The following CAST variants were observed in gnomAD, a reference collection of about 807,000 sequenced individuals.
The protein encoded by CAST is MIR583 host.
A neutral mutation model predicts 119.6 loss-of-function variants in CAST; 76 were observed. The ratio of observed to expected loss-of-function variants is 0.64; its 90% confidence interval spans 0.53 to 0.77. CAST has a LOEUF of 0.77. Among genes scored for constraint, CAST ranks in the 30% least tolerant of loss-of-function variants. The probability of loss-of-function intolerance (pLI) is 0.00; values close to 1 mark genes in which losing one functional copy is unlikely to be tolerated. For missense variants in CAST, 953 were observed against 946.5 expected (o/e 1.01, Z -0.09); for synonymous variants, 319 against 331.6 (o/e 0.96, Z 0.41).
At chr5:96,214,620 G>GA in the CAST span, among the ~76,000 whole-genome samples, 44 of 152,302 alleles carry the variant, frequency 2.9e-4, no homozygotes, top group Non-Finnish European at 3.4e-4. Flanking sequence ...GAATAAGATA[G>GA]ACAAGGTCTC....
At chr5:96,353,137 C>T in the CAST span, among the ~76,000 whole-genome samples, 11 of 151,858 alleles carry the variant, frequency 7.2e-5, no homozygotes, top group African/African-American at 1.7e-4. Flanking sequence ...AAACAATACT[C>T]GAAGACTTAT....
chr5:96,502,859 T>C, the CAST span, among the ~76,000 whole-genome samples: 1 of 152,220 alleles, frequency 6.6e-6, no homozygotes, highest in Admixed American at 6.5e-5. Context: ...CACTCTATAA[T>C]ACAGATGCCC....
intron 1 of CAST, 123 bp from the exon 2 acceptor site, chr5:96,675,416 C>A: frequency 1.5e-6 from 1 of 660,374 alleles, no homozygotes; most frequent in South Asian, 1.9e-5. Flanking sequence ...TACCAGCATT[C>A]TCAGGAGGAA....
chr5:96,759,621 G>T (rs1767252937), intron 24 of CAST, among the ~76,000 whole-genome samples: 1 of 151,792 alleles, frequency 6.6e-6, no homozygotes. Flanking sequence ...GAAAATAGCG[G>T]CATGAAAGTT....
upstream of CAST, among the ~76,000 whole-genome samples, chr5:96,659,712 T>C (rs1363163020): frequency 1.3e-5 from 2 of 152,110 alleles, no homozygotes; most frequent in Non-Finnish European, 2.9e-5. Flanking sequence ...GTATTTTTAG[T>C]AGAGACGGGG....
At chr5:96,427,877 C>G in the CAST span, among the ~76,000 whole-genome samples, 2 of 152,134 alleles carry the variant, frequency 1.3e-5, no homozygotes, top group Non-Finnish European at 2.9e-5. Flanking sequence ...AGCCCACACA[C>G]GATGAGCCCT....
At position 96,727,442 on chromosome 5, in the gene CAST, C is replaced by G. The variant is rs754090520; in HGVS notation, c.337-47C>G. 3 of 1,048,406 alleles carry G rather than the reference C, an allele frequency of 2.9e-6. No individual in the cohort carries two copies. The East Asian group carries it at 7.9e-5, about 27-fold the overall frequency. The allele number at this position is 1,048,406 out of a possible 1,614,324, so 64.9% of individuals were successfully genotyped here. On this transcript the variant is annotated intron_variant, in intron 5 of 31. Coordinates refer to ENST00000675179, the MANE Select transcript of CAST (RefSeq NM_001750.7). ...GATAGTCTTTGTAAACTATGTCTAT[C>G]TTTCTTTTCTTCCTTCCTTTTTTTC... is the stretch of plus-strand genomic sequence containing the variant.
At chr5:96,425,156 G>A in the CAST span, among the ~76,000 whole-genome samples, 1 of 152,162 alleles carries the variant, frequency 6.6e-6, no homozygotes, top group Non-Finnish European at 1.5e-5. Context: ...TGTTTTTCAA[G>A]AGAAATAATC....
At chr5:96,452,974 AAACAG>A in the CAST span, among the ~76,000 whole-genome samples, 1 of 149,054 alleles carries the variant, frequency 6.7e-6, no homozygotes, top group Non-Finnish European at 1.5e-5. Context: ...AAAAAAAAAA[AAACAG>A]AAGAAAGAAA....
chr5:96,447,342 G>T, the CAST span, among the ~76,000 whole-genome samples: 7 of 152,218 alleles, frequency 4.6e-5, no homozygotes, highest in African/African-American at 1.4e-4. Flanking sequence ...AGTGGCAGAA[G>T]TCATGGGCAT....
the CAST span, among the ~76,000 whole-genome samples, chr5:96,265,663 C>G: frequency 5.9e-5 from 9 of 152,288 alleles, no homozygotes; most frequent in East Asian, 3.9e-4. Flanking sequence ...GAAACACTCT[C>G]ACAGACACAC....
the CAST span, among the ~76,000 whole-genome samples, chr5:96,250,688 C>CT: frequency 1.3e-5 from 2 of 151,932 alleles, no homozygotes; most frequent in African/African-American, 2.4e-5. Flanking sequence ...AAAGGGCAGA[C>CT]TAGATATAAG....
the CAST span, among the ~76,000 whole-genome samples, chr5:96,047,166 A>G: frequency 6.6e-6 from 1 of 152,360 alleles, no homozygotes; most frequent in East Asian, 1.9e-4. Flanking sequence ...CTTAAAACAT[A>G]GCAAGTTCTT....
At chr5:96,016,514 T>G in the CAST span, among the ~76,000 whole-genome samples, 1 of 152,212 alleles carries the variant, frequency 6.6e-6, no homozygotes, top group South Asian at 2.1e-4. Flanking sequence ...TCTCCTATAC[T>G]GCATCATGCA....
chr5:96,144,520 C>T, the CAST span, among the ~76,000 whole-genome samples: 1 of 152,154 alleles, frequency 6.6e-6, no homozygotes, highest in African/African-American at 2.4e-5. Context: ...TGAGAAAGCA[C>T]CTTTAAGACA....
chr5:96,311,515 T>C, the CAST span, among the ~76,000 whole-genome samples: 3 of 152,074 alleles, frequency 2.0e-5, no homozygotes, highest in Admixed American at 6.6e-5. Context: ...ATATTATTAC[T>C]GTATTGCAAT....
the CAST span, among the ~76,000 whole-genome samples, chr5:96,178,487 C>A: frequency 6.6e-6 from 1 of 151,916 alleles, no homozygotes; most frequent in African/African-American, 2.4e-5. Context: ...AACAATGGTG[C>A]CTTTGAAAAT....
At chr5:96,372,937 C>G in the CAST span, among the ~76,000 whole-genome samples, 17 of 152,132 alleles carry the variant, frequency 1.1e-4, no homozygotes, top group Non-Finnish European at 2.1e-4. Context: ...CAGATGATAG[C>G]ACAATGTCCA....
the CAST span, among the ~76,000 whole-genome samples, chr5:96,363,987 AT>A: frequency 9.9e-5 from 15 of 152,054 alleles, no homozygotes; most frequent in Non-Finnish European, 1.8e-4. Flanking sequence ...AATAGCTCTT[AT>A]TATTTTGAGA....
Sources: allele counts gnomAD v4.1 joint callset (sites outside exome capture counted in the v4.1 genomes callset), GRCh38; gene constraint gnomAD v4.1.1; transcripts MANE v1.5; gene names NCBI Gene and HGNC (gene_info 2026-07-23, HGNC 2026-07-21).